MEIS1: variants seen among roughly 807,000 people sequenced by gnomAD.
The protein encoded by MEIS1 is homeobox protein Meis1.
Under a neutral mutation model 50.8 loss-of-function variants are expected in MEIS1, and 5 were observed. That is an observed-to-expected ratio of 0.10 (90% confidence interval 0.05 to 0.21). The LOEUF (loss-of-function observed/expected upper bound fraction) is 0.21. MEIS1 is among the 10% of genes least tolerant of loss of function. The probability of loss-of-function intolerance (pLI) is 1.00; values close to 1 mark genes in which losing one functional copy is unlikely to be tolerated. For synonymous variants in MEIS1, 176 were observed against 179.3 expected, an observed-to-expected ratio of 0.98 and a Z score of 0.15; for missense variants, 318 against 517.3, an observed-to-expected ratio of 0.61 and a Z score of 3.74.
chr2:66,534,493 C>A (rs1395376025), intron 8 of MEIS1, among the ~76,000 whole-genome samples: 1 of 151,950 alleles, frequency 6.6e-6, no homozygotes, highest in Non-Finnish European at 1.5e-5. Flanking sequence ...AAGATTGTGC[C>A]ACTGCGCTTC....
intron 7 of MEIS1, among the ~76,000 whole-genome samples, chr2:66,497,204 A>C (rs867541511): frequency 1.3e-5 from 2 of 152,190 alleles, no homozygotes; most frequent in South Asian, 4.1e-4. Flanking sequence ...TAATGGAGTA[A>C]ATGGAAAGGG....
intron 7 of MEIS1, among the ~76,000 whole-genome samples, chr2:66,466,267 T>G (rs1672632824): frequency 1.3e-5 from 2 of 152,138 alleles, no homozygotes; most frequent in Admixed American, 6.5e-5. Flanking sequence ...TTTCCTCATC[T>G]CTCTACTAAA....
At chr2:66,481,851 T>C (rs1036221897) in intron 7 of MEIS1, among the ~76,000 whole-genome samples, 2 of 59,574 alleles carry the variant, frequency 3.4e-5, no homozygotes, top group Middle Eastern at 8.6e-3. Flanking sequence ...CTGATATTTC[T>C]TTTTTTTTTT....
At chr2:66,558,272 T>G (rs528909405) in intron 9 of MEIS1, among the ~76,000 whole-genome samples, 2 of 49,634 alleles carry the variant, frequency 4.0e-5, no homozygotes, top group East Asian at 1.3e-3. Context: ...AGAGTGAAAC[T>G]CCATCTCAAA....
At chr2:66,528,471 G>T (rs569399434) in intron 8 of MEIS1, among the ~76,000 whole-genome samples, 1 of 152,010 alleles carries the variant, frequency 6.6e-6, no homozygotes, top group African/African-American at 2.4e-5. Flanking sequence ...TGTCAGCGTC[G>T]TCTCAGTTCA....
rs776645434 is a variant in MEIS1, at chr2:66,437,980, G to T, written c.239+17G>T. On this transcript the variant is annotated intron_variant, in intron 2 of 12. Transcript: ENST00000272369. Reference sequence around the variant, plus strand: ...CATTTATGGGTAGGTACAATGGGCAGCAGGTTAAGTAGTTGAGACTCAACG... The same window carrying T: ...CATTTATGGGTAGGTACAATGGGCATCAGGTTAAGTAGTTGAGACTCAACG... 5.8e-6 allele frequency: 9 copies of T among 1,548,550 alleles called. No individual in the cohort carries two copies. In the East Asian group the frequency reaches 1.9e-4, roughly 33 times the overall value.
intron 9 of MEIS1, among the ~76,000 whole-genome samples, chr2:66,556,089 C>G (rs1412836132): frequency 3.3e-5 from 5 of 152,192 alleles, no homozygotes; most frequent in Non-Finnish European, 7.3e-5. Flanking sequence ...ACATGGATGC[C>G]TGTAACTTTG....
intron 8 of MEIS1, among the ~76,000 whole-genome samples, chr2:66,521,011 G>A (rs1674103888): frequency 1.3e-5 from 2 of 152,190 alleles, no homozygotes; most frequent in Admixed American, 1.3e-4. Flanking sequence ...AAAAATATAA[G>A]CCAGAGGGCT....
chr2:66,464,040 G>T, intron 6 of MEIS1, 69 bp from the exon 7 acceptor site: 1 of 1,134,098 alleles, frequency 8.8e-7, no homozygotes, highest in South Asian at 1.3e-5. Flanking sequence ...TTGTCATTAT[G>T]CCATGGGATC....
At chr2:66,557,481 C>A (rs1675095610) in intron 9 of MEIS1, among the ~76,000 whole-genome samples, 1 of 152,182 alleles carries the variant, frequency 6.6e-6, no homozygotes, top group African/African-American at 2.4e-5. Context: ...AATCTACTTT[C>A]TGTCTCTATA....
At chr2:66,509,231 G>A (rs572475291) in intron 7 of MEIS1, 4 of 352,408 alleles carry the variant, frequency 1.1e-5, no homozygotes, top group South Asian at 4.5e-5. Flanking sequence ...CTATGAAAGT[G>A]TTTGCTTTTA....
intron 7 of MEIS1, chr2:66,508,878 C>T (rs1673750396): frequency 2.5e-6 from 1 of 397,106 alleles, no homozygotes; most frequent in African/African-American, 2.1e-5. Context: ...GGACTAGCAT[C>T]ATTTTTATGA....
At chr2:66,443,090 A>G (rs776367043) in intron 6 of MEIS1, 42 bp downstream of exon 6, 4 of 1,546,468 alleles carry the variant, frequency 2.6e-6, no homozygotes, top group African/African-American at 1.4e-5. Flanking sequence ...AAAAAAAAAA[A>G]TCTGTATGCA....
intron 4 of MEIS1, 75 bp downstream of exon 4, chr2:66,440,687 T>A: frequency 1.1e-6 from 1 of 930,586 alleles, no homozygotes; most frequent in Non-Finnish European, 1.6e-6. Flanking sequence ...CAGCTTTGCT[T>A]TGAGAGCCCT....
At chr2:66,477,175 CA>C (rs1213062922) in intron 7 of MEIS1, among the ~76,000 whole-genome samples, 2 of 152,028 alleles carry the variant, frequency 1.3e-5, no homozygotes, top group African/African-American at 2.4e-5. Flanking sequence ...GGAATTGGAG[CA>C]GGGGGAGGCT....
chr2:66,532,049 A>C (rs1674405237), intron 8 of MEIS1, among the ~76,000 whole-genome samples: 1 of 152,078 alleles, frequency 6.6e-6, no homozygotes, highest in Non-Finnish European at 1.5e-5. Context: ...AGTTATAACC[A>C]GTTTTAGTGG....
chr2:66,502,029 A>G (rs527651525), intron 7 of MEIS1, among the ~76,000 whole-genome samples: 8 of 152,338 alleles, frequency 5.3e-5, no homozygotes, highest in African/African-American at 1.4e-4. Context: ...TATAGTAAAG[A>G]AGTTATTCCA....
At chr2:66,453,674 G>A (rs140013675) in intron 6 of MEIS1, among the ~76,000 whole-genome samples, 48 of 152,006 alleles carry the variant, frequency 3.2e-4, no homozygotes, top group African/African-American at 7.5e-4. Context: ...TAAAAAATCA[G>A]AAGTGCTTCT....
chr2:66,509,403 T>C (rs1161129746), intron 7 of MEIS1, among the ~76,000 whole-genome samples: 1 of 152,210 alleles, frequency 6.6e-6, no homozygotes, highest in Non-Finnish European at 1.5e-5. Flanking sequence ...TTGTCTTAGA[T>C]TACAACCCAG....
Sources: allele counts gnomAD v4.1 joint callset (sites outside exome capture counted in the v4.1 genomes callset), GRCh38; gene constraint gnomAD v4.1.1; transcripts MANE v1.5; gene names NCBI Gene and HGNC (gene_info 2026-07-23, HGNC 2026-07-21).